Variants in LRRC66 observed in about 807,000 individuals in gnomAD.
LRRC66 encodes the protein leucine rich repeat containing 66.
Under a neutral mutation model 24.6 loss-of-function variants are expected in LRRC66, and 29 were observed. The ratio of observed to expected loss-of-function variants is 1.18; its 90% CI spans 0.88 to 1.61. The LOEUF is 1.61. Among genes scored for constraint, LRRC66 ranks in the 40% most tolerant of loss-of-function variants. LRRC66 has a pLI of 0.00. For missense variants in LRRC66, 1,124 were observed against 1,058.0 expected, an observed-to-expected ratio of 1.06 and a Z score of -0.87; for synonymous variants, 411 against 397.6, an observed-to-expected ratio of 1.03 and a Z score of -0.40.
At chr4:52,007,007 C>T (rs961978169) in intron 2 of LRRC66, among the ~76,000 whole-genome samples, 3 of 152,038 alleles carry the variant, frequency 2.0e-5, no homozygotes, top group Non-Finnish European at 4.4e-5. Flanking sequence ...TAACTAAAAA[C>T]AAATAAAAAC....
Position 51,994,211 on chromosome 4 carries a change from C to A in LRRC66, c.*168G>T. 2 of 634,436 alleles carry A rather than the reference C, an allele frequency of 3.2e-6. No individual in the cohort carries two copies. The highest frequency in any genetic ancestry group is 2.1e-5 in the South Asian group (1 of 47,790). 39.3% of individuals were successfully genotyped at this position (634,436 alleles called of 1,614,324 possible). A position where few individuals can be genotyped will look rare whatever the true frequency, so the allele number is the denominator to read the frequency against. Reference sequence around the variant, plus strand: ...GTTTAGCTTATAACCCTTCTAGAATCATCGCCCTCAAGTGGGCCCACAAAA... The same window carrying A: ...GTTTAGCTTATAACCCTTCTAGAATAATCGCCCTCAAGTGGGCCCACAAAA... On this transcript the variant is annotated 3_prime_UTR_variant, in exon 5 of 5. Transcript: ENST00000682860.
At chr4:52,009,516 G>A (rs1383939783) in intron 2 of LRRC66, among the ~76,000 whole-genome samples, 1 of 152,058 alleles carries the variant, frequency 6.6e-6, no homozygotes, top group African/African-American at 2.4e-5. Flanking sequence ...GATCAGAAAA[G>A]AGAAGATATA....
intron 2 of LRRC66, among the ~76,000 whole-genome samples, chr4:52,014,848 G>A (rs1177012262): frequency 6.6e-6 from 1 of 152,138 alleles, no homozygotes; most frequent in African/African-American, 2.4e-5. Flanking sequence ...ATCTCTCTAT[G>A]TCTTCATTTG....
In LRRC66 at chr4:51,995,454, G is replaced by T. The variant is rs573477178; in HGVS notation, c.1568C>A (p.Ala523Glu). Reference sequence around the variant, plus strand: ...ATTCCTATGGATGTGGTCCTGCGCTGCTGACATTAGTTCACGGTTACCGGC... The same window carrying T: ...ATTCCTATGGATGTGGTCCTGCGCTTCTGACATTAGTTCACGGTTACCGGC... The part of the protein sequence containing the change: ...PHAGNRELMS[A>E]AQDHIHRNDI... Residue 523 changes from alanine (A) to glutamate (E), a missense_variant, in exon 5 of 5, where the codon GCA (alanine) becomes GAA (glutamate). Physicochemically the swap from Ala to Glu is moderately radical, Grantham distance 107. Transcript: ENST00000682860. The T allele has an allele frequency of 1.5e-4, 248 of 1,614,132 alleles. 3 individuals are homozygous for T. The South Asian group carries it at 2.6e-3, about 17-fold the overall frequency.
intron 2 of LRRC66, among the ~76,000 whole-genome samples, chr4:52,005,935 C>G (rs1392200030): frequency 1.3e-5 from 2 of 152,162 alleles, no homozygotes; most frequent in Non-Finnish European, 2.9e-5. Flanking sequence ...AAGCATATTC[C>G]TACATCTTTT....
Position 52,003,233 on chromosome 4 carries a change from T to C in LRRC66, c.656A>G (p.Lys219Arg). 1 of 1,606,776 alleles carries C rather than the reference T, an allele frequency of 6.2e-7. No individual in the cohort carries two copies. ...AAATGATTTTAGAACCTGTAATTTT[T>C]TGAGGTCCTTGAAGGCTTGTGGGGG... ...KIPPQAFKDLKKLQVIDLSNN... is the reference protein window; with the variant it reads ...KIPPQAFKDLRKLQVIDLSNN... Residue 219 changes from lysine (K) to arginine (R), a missense_variant, in exon 3 of 5, where the codon AAA (lysine) becomes AGA (arginine). Physicochemically the swap from Lys to Arg is conservative, Grantham distance 26. Coordinates refer to ENST00000682860, the MANE Select transcript of LRRC66 (RefSeq NM_001024611.3).
intron 2 of LRRC66, among the ~76,000 whole-genome samples, chr4:52,014,003 C>A (rs1736755933): frequency 6.6e-6 from 1 of 152,192 alleles, no homozygotes; most frequent in Non-Finnish European, 1.5e-5. Context: ...CCTCTAATCC[C>A]AGCACTTTGG....
intron 3 of LRRC66, among the ~76,000 whole-genome samples, chr4:52,000,303 A>G (rs1470990804): frequency 1.3e-5 from 2 of 152,212 alleles, no homozygotes; most frequent in Non-Finnish European, 2.9e-5. Context: ...AATGCACAGA[A>G]AATACAACAG....
intron 3 of LRRC66, among the ~76,000 whole-genome samples, chr4:52,000,638 G>C (rs1055092432): frequency 6.6e-6 from 1 of 152,248 alleles, no homozygotes; most frequent in East Asian, 1.9e-4. Flanking sequence ...GTTGTGAACA[G>C]CCCTATGGAG....
At chr4:52,002,328 C>T (rs1736472109) in intron 3 of LRRC66, among the ~76,000 whole-genome samples, 1 of 152,028 alleles carries the variant, frequency 6.6e-6, no homozygotes, top group African/African-American at 2.4e-5. Context: ...ATGATGCTGG[C>T]CTATACAAAG....
rs747353069 is a variant in LRRC66 at position 51,994,756 on chromosome 4, T to G, written c.2266A>C (p.Asn756His). 1 of 1,614,216 alleles carries G rather than the reference T, an allele frequency of 6.2e-7. No homozygotes were observed. Among genetic ancestry groups the G allele is most frequent in the African/African-American group, 1.3e-5 (1 of 75,056 alleles). ...NVTAVDSLEE[N>H]VTFQTIPGKC... ...CCTGGAATTGTTTGGAAGGTAACAT[T>G]TTCCTCAAGACTGTCTACAGCCGTC... The change falls in exon 5 of 5, where the codon AAT becomes CAT. Residue 756 changes from asparagine to histidine, a missense_variant. Coordinates refer to ENST00000682860, the MANE Select transcript of LRRC66 (RefSeq NM_001024611.3).
At chr4:52,015,947 C>CAT (rs1390534844) in intron 2 of LRRC66, among the ~76,000 whole-genome samples, 1 of 152,014 alleles carries the variant, frequency 6.6e-6, no homozygotes, top group Non-Finnish European at 1.5e-5. Context: ...ACTTGAAGAA[C>CAT]ATATATAACA....
At chr4:52,010,648 A>G (rs1233510466) in intron 2 of LRRC66, among the ~76,000 whole-genome samples, 1 of 152,176 alleles carries the variant, frequency 6.6e-6, no homozygotes, top group Admixed American at 6.5e-5. Context: ...ATTCTTGTTT[A>G]GAGCTGTGTA....
chr4:52,016,417 C>G (rs536579045), intron 2 of LRRC66, among the ~76,000 whole-genome samples: 3 of 152,124 alleles, frequency 2.0e-5, no homozygotes, highest in Non-Finnish European at 2.9e-5. Flanking sequence ...AATTAATTGT[C>G]TAGCACTCTG....
In LRRC66 at chr4:52,011,333, G is replaced by A. The variant is rs191861634; in HGVS notation, c.496+5785C>T. On this transcript the variant is annotated intron_variant, in intron 2 of 4. Coordinates refer to ENST00000682860, the MANE Select transcript of LRRC66 (RefSeq NM_001024611.3). ...GTGAGCCAAAGGCTCTGCCTTCTTA[G>A]TTGAGTATCTTATATACTTTTTGTT... Among the ~76,000 whole-genome samples, 12 of 152,316 alleles carry A rather than the reference G, an allele frequency of 7.9e-5. No individual in the cohort carries two copies. In the East Asian group the frequency reaches 2.3e-3, roughly 29 times the overall value.
At chr4:51,998,924 C>T (rs1736384898) in intron 3 of LRRC66, among the ~76,000 whole-genome samples, 1 of 152,128 alleles carries the variant, frequency 6.6e-6, no homozygotes, top group Non-Finnish European at 1.5e-5. Context: ...CCACATAGAC[C>T]CTAGCACCTA....
chr4:51,995,909 A>G lies in LRRC66; in HGVS notation c.1113T>C (p.Ala371=), dbSNP rs1057441703. The change falls in exon 5 of 5, where the codon GCT becomes GCC. Residue 371 remains alanine, a synonymous_variant. Coordinates refer to ENST00000682860, the MANE Select transcript of LRRC66 (RefSeq NM_001024611.3). ...DVQAAGKKED[A]PQDLALAVCL... ...ACACCGCCAGAGCCAGGTCCTGGGG[A>G]GCGTCCTCTTTTTTGCCGGCAGCCT... 5 of 1,613,964 alleles carry G rather than the reference A, an allele frequency of 3.1e-6. No individual in the cohort carries two copies. Among genetic ancestry groups the G allele is most frequent in the Middle Eastern group, 1.6e-4 (1 of 6,062 alleles).
At chr4:52,010,243 G>A (rs968642166) in intron 2 of LRRC66, among the ~76,000 whole-genome samples, 2 of 152,138 alleles carry the variant, frequency 1.3e-5, no homozygotes. Context: ...GAATCCACAT[G>A]ATGGAATTCT....
intron 2 of LRRC66, among the ~76,000 whole-genome samples, chr4:52,015,550 T>A (rs1357679046): frequency 6.6e-6 from 1 of 152,158 alleles, no homozygotes; most frequent in African/African-American, 2.4e-5. Flanking sequence ...GAAAGACTGA[T>A]GTTAAGTATC....
Sources: gnomAD v4.1 joint callset for allele counts (sites outside exome capture counted in the v4.1 genomes callset) on GRCh38, gnomAD v4.1.1 for gene constraint, MANE v1.5 for transcripts, NCBI Gene and HGNC (gene_info 2026-07-23, HGNC 2026-07-21) for gene names.